DMXL1: variants seen among roughly 807,000 people sequenced by gnomAD.
The protein encoded by DMXL1 is dmX-like protein 1.
A neutral mutation model predicts 319.2 loss-of-function variants in DMXL1; 99 were observed. The ratio of observed to expected loss-of-function variants is 0.31; its 90% CI spans 0.26 to 0.37. The LOEUF (loss-of-function observed/expected upper bound fraction) is 0.37, where lower values mean the gene tolerates loss of function less well. DMXL1 is among the 10% of genes least tolerant of loss of function. The pLI, the probability that DMXL1 is intolerant of heterozygous loss-of-function variation, is 1.00. For synonymous variants in DMXL1, 1,385 were observed against 1,235.2 expected, an observed-to-expected ratio of 1.12 and a Z score of -2.54; for missense variants, 3,745 against 3,595.6, an observed-to-expected ratio of 1.04 and a Z score of -1.06.
intron 25 of DMXL1, among the ~76,000 whole-genome samples, chr5:119,173,672 ATGTGTG>A (rs771056976): frequency 5.4e-5 from 6 of 110,222 alleles, no homozygotes; most frequent in South Asian, 7.1e-4. Context: ...AGTAGGATGT[ATGTGTG>A]TGTGTGTGTG....
At chr5:119,241,534 C>CA (rs35739845) in intron 42 of DMXL1, among the ~76,000 whole-genome samples, 5,523 of 57,006 alleles carry the variant, frequency 0.097, 423 homozygotes, top group East Asian at 0.26. Context: ...GACTCCGTCT[C>CA]AAAAAAAAAA....
chr5:119,081,948 A>C (rs1752271190), intron 1 of DMXL1, among the ~76,000 whole-genome samples: 4 of 147,982 alleles, frequency 2.7e-5, no homozygotes, highest in Admixed American at 2.0e-4. Flanking sequence ...TGTTGTCTGA[A>C]TTGATTGCTG....
chr5:119,208,459 C>G (rs1264679836), intron 34 of DMXL1, among the ~76,000 whole-genome samples: 1 of 152,148 alleles, frequency 6.6e-6, no homozygotes, highest in African/African-American at 2.4e-5. Context: ...GGTGATCTGC[C>G]TGCCTTGGCC....
chr5:119,084,246 G>C (rs6867580), intron 1 of DMXL1, among the ~76,000 whole-genome samples: 4,836 of 151,850 alleles, frequency 0.032, 241 homozygotes, highest in African/African-American at 0.11. Flanking sequence ...TCAACCTCCA[G>C]GTAGCTGGGA....
At chr5:119,161,983 T>G (rs185188149) in intron 19 of DMXL1, among the ~76,000 whole-genome samples, 1 of 152,196 alleles carries the variant, frequency 6.6e-6, no homozygotes, top group Admixed American at 6.5e-5. Flanking sequence ...CCAGATGATC[T>G]AGCTGTGACA....
At chr5:119,119,196 T>C (rs1761490573) in intron 8 of DMXL1, among the ~76,000 whole-genome samples, 192 bp downstream of exon 8, 1 of 152,214 alleles carries the variant, frequency 6.6e-6, no homozygotes, top group African/African-American at 2.4e-5. Context: ...CCTATAATTA[T>C]GAAGTTACTC....
At position 119,241,650 on chromosome 5, in the gene DMXL1, G is replaced by C. The variant is rs571427592; in HGVS notation, c.8704+1179G>C. 3.2e-4 allele frequency among the ~76,000 whole-genome samples: 49 copies of C among 151,798 alleles called. 1 individual carries two copies. In the South Asian group the frequency reaches 1.0e-2, roughly 31 times the overall value. On this transcript the variant is annotated intron_variant, in intron 42 of 43. Transcript: ENST00000539542. ...TTCAACTTTTTTCTTGTAATGTCTT[G>C]ACTTTGGTCTGCTTTTTGGGAGCAC...
At position 119,240,413 on chromosome 5, in the gene DMXL1, T is replaced by TTC; in HGVS notation, c.8652-5_8652-4dup. ...ACTCAGAAGTAATCTTTTTTTTTTT[T>TTC]TCCAGAAACGTATGTTTGTGGGATA... On this transcript the variant is annotated splice_region_variant and splice_polypyrimidine_tract_variant and intron_variant, in intron 41 of 43. Transcript: ENST00000539542. The TTC allele has an allele frequency of 6.3e-7, 1 of 1,597,292 alleles. No homozygotes were observed. Among genetic ancestry groups the TTC allele is most frequent in the Non-Finnish European group, 8.5e-7 (1 of 1,172,164 alleles).
intron 19 of DMXL1, 135 bp downstream of exon 19, chr5:119,152,171 TA>T: frequency 1.7e-6 from 1 of 605,164 alleles, no homozygotes; most frequent in South Asian, 2.4e-5. Context: ...CTTTATTTGT[TA>T]AAATGTTTAT....
intron 9 of DMXL1, among the ~76,000 whole-genome samples, chr5:119,125,669 A>G (rs1763376020): frequency 6.6e-6 from 1 of 151,990 alleles, no homozygotes; most frequent in African/African-American, 2.4e-5. Context: ...GGTTCATGCC[A>G]TTCTCCTGCC....
chr5:119,234,658 T>A (rs1165490026), intron 39 of DMXL1, among the ~76,000 whole-genome samples: 1 of 152,176 alleles, frequency 6.6e-6, no homozygotes, highest in Non-Finnish European at 1.5e-5. Context: ...AATTCTATTG[T>A]ACTTTTAGTT....
intron 30 of DMXL1, among the ~76,000 whole-genome samples, chr5:119,195,655 G>C (rs2150402304): frequency 6.6e-6 from 1 of 152,174 alleles, no homozygotes; most frequent in East Asian, 1.9e-4. Flanking sequence ...TGGTGGTGGT[G>C]GTTGCACAGC....
intron 28 of DMXL1, 22 bp downstream of exon 28, chr5:119,178,266 A>G (rs1473747845): frequency 6.2e-7 from 1 of 1,606,100 alleles, no homozygotes; most frequent in Admixed American, 1.7e-5. Flanking sequence ...AAATTTTTTT[A>G]GGACTGAAGC....
At chr5:119,148,679 A>G (rs925416439) in intron 17 of DMXL1, 60 bp from the exon 18 acceptor site, 5 of 1,513,396 alleles carry the variant, frequency 3.3e-6, no homozygotes, top group South Asian at 2.6e-5. Flanking sequence ...TCGTAAGTAC[A>G]TAAAAACAGA....
chr5:119,117,241 A>G (rs1761045168), intron 7 of DMXL1, among the ~76,000 whole-genome samples: 1 of 152,016 alleles, frequency 6.6e-6, no homozygotes, highest in East Asian at 1.9e-4. Flanking sequence ...GGGTTTTGCC[A>G]TGTTGCCCAG....
chr5:119,231,446 A>G (rs1444203342), intron 38 of DMXL1, among the ~76,000 whole-genome samples: 1 of 152,114 alleles, frequency 6.6e-6, no homozygotes, highest in African/African-American at 2.4e-5. Flanking sequence ...TTAAAGGATA[A>G]AAGTTGCAGG....
At chr5:119,224,246 A>G (rs1407385801) in intron 37 of DMXL1, among the ~76,000 whole-genome samples, 1 of 152,084 alleles carries the variant, frequency 6.6e-6, no homozygotes, top group African/African-American at 2.4e-5. Context: ...TTTTCCTTTA[A>G]TTTTATGTGT....
intron 43 of DMXL1, 48 bp downstream of exon 43, chr5:119,244,624 A>T: frequency 7.0e-7 from 1 of 1,424,576 alleles, no homozygotes; most frequent in Non-Finnish European, 9.9e-7. Context: ...ATCTTCAGAA[A>T]CCTTAGCTCT....
At position 119,164,000 on chromosome 5, in the gene DMXL1, C is replaced by T. The variant is rs146856484; in HGVS notation, c.4703-507C>T. On this transcript the variant is annotated intron_variant, in intron 19 of 43. Transcript: ENST00000539542. ...GTGCTGGGATTACAGCGTAAGCCAC[C>T]GCACCCTGCTAGAGCTGGAATTTAA... is the stretch of plus-strand genomic sequence containing the variant. Among the ~76,000 whole-genome samples, 53 of 152,260 alleles carry T rather than the reference C, an allele frequency of 3.5e-4. 1 individual carries two copies. Among genetic ancestry groups the T allele is most frequent in the African/African-American group, 5.5e-4 (23 of 41,564 alleles).
Sources: gnomAD v4.1 joint callset for allele counts (sites outside exome capture counted in the v4.1 genomes callset) on GRCh38, gnomAD v4.1.1 for gene constraint, MANE v1.5 for transcripts, NCBI Gene and HGNC (gene_info 2026-07-23, HGNC 2026-07-21) for gene names.